The following ZFP90 variants were observed in gnomAD, a reference collection of about 807,000 sequenced individuals.
ZFP90 encodes zinc finger protein 90 homolog.
A neutral mutation model predicts 60.8 loss-of-function variants in ZFP90; 38 were observed. That is an observed-to-expected ratio of 0.62 (90% confidence interval 0.48 to 0.82). ZFP90 has a LOEUF of 0.82. Ranked by LOEUF, ZFP90 falls within the 40% of genes least tolerant of loss-of-function variation. ZFP90 has a pLI of 0.00. For missense variants in ZFP90, 711 were observed against 759.1 expected (o/e 0.94, Z 0.74); for synonymous variants, 287 against 264.8 (o/e 1.08, Z -0.82).
chr16:68,537,307 G>A (rs1029955529), upstream of ZFP90, among the ~76,000 whole-genome samples: 4 of 151,960 alleles, frequency 2.6e-5, no homozygotes, highest in South Asian at 2.1e-4. Context: ...TGTATGTTTA[G>A]TAGAGATGGG....
intron 2 of ZFP90, among the ~76,000 whole-genome samples, chr16:68,548,631 C>G (rs1345686189): frequency 5.9e-5 from 9 of 152,006 alleles, no homozygotes; most frequent in African/African-American, 2.2e-4. Context: ...GCTGGGATTA[C>G]AGGCATGCAC....
At chr16:68,562,078 A>C (rs1464831842) in intron 4 of ZFP90, 1 of 152,194 alleles carries the variant, frequency 6.6e-6, no homozygotes, top group East Asian at 1.9e-4. Context: ...ATTTCCAAGT[A>C]AGTTGCAGGC....
At chr16:68,540,373 A>T (rs1299683181) in intron 2 of ZFP90, among the ~76,000 whole-genome samples, 1 of 152,168 alleles carries the variant, frequency 6.6e-6, no homozygotes, top group Non-Finnish European at 1.5e-5. Flanking sequence ...ATTCTCCCAG[A>T]GCTTTTTGTG....
Position 68,563,728 on chromosome 16 carries a change from T to C in ZFP90, c.941T>C (p.Leu314Pro). ...HTGEKPYQCS[L>P]CGKAFQRSSS... Reference sequence around the variant, plus strand: ...GGAGAGAAACCCTATCAGTGTAGTCTCTGTGGGAAAGCCTTCCAGCGCAGC... The same window carrying C: ...GGAGAGAAACCCTATCAGTGTAGTCCCTGTGGGAAAGCCTTCCAGCGCAGC... The change falls in exon 5 of 5, where the codon CTC becomes CCC. Residue 314 changes from leucine to proline, a missense_variant. Leu to Pro is a moderately conservative substitution (Grantham distance 98). Transcript: ENST00000563169. The C allele has an allele frequency of 6.2e-7, 1 of 1,610,312 alleles. No homozygotes were observed.
chr16:68,567,120 T>G lies in ZFP90; in HGVS notation c.*2422T>G, dbSNP rs2091540939. The G allele has an allele frequency of 3.0e-6, 3 of 985,492 alleles. No individual in the cohort carries two copies. The highest frequency in any genetic ancestry group is 1.7e-5 in the African/African-American group (1 of 57,244). The allele number at this position is 985,492 out of a possible 1,614,324, so 61.0% of individuals were successfully genotyped here. A position where few individuals can be genotyped will look rare whatever the true frequency, so the allele number is the denominator to read the frequency against. On this transcript the variant is annotated 3_prime_UTR_variant, in exon 5 of 5. Coordinates refer to ENST00000563169, the MANE Select transcript of ZFP90 (RefSeq NM_001305203.2). ...CATTGTATTCTTTCAATAAATAGCC[T>G]TCTGAGTTGAATGGGAGTCAGTTTG... is the stretch of plus-strand genomic sequence containing the variant.
Position 68,566,576 on chromosome 16 carries a change from A to T in ZFP90, c.*1878A>T. The T allele has an allele frequency of 6.1e-6, 6 of 985,556 alleles. No homozygotes were observed. Among genetic ancestry groups the T allele is most frequent in the Non-Finnish European group, 7.2e-6 (6 of 829,936 alleles). The allele number at this position is 985,556 out of a possible 1,614,324, so 61.1% of individuals were successfully genotyped here. A position where few individuals can be genotyped will look rare whatever the true frequency, so the allele number is the denominator to read the frequency against. ...ATTAGTCTCTCCTCTGTGATGCAAA[A>T]TGGAATATTCAATGGCAGATCTGCC... On this transcript the variant is annotated 3_prime_UTR_variant, in exon 5 of 5. Transcript: ENST00000563169.
At position 68,566,977 on chromosome 16, in the gene ZFP90, G is replaced by C. The variant is rs951026520; in HGVS notation, c.*2279G>C. On this transcript the variant is annotated 3_prime_UTR_variant, in exon 5 of 5. Coordinates refer to ENST00000563169, the MANE Select transcript of ZFP90 (RefSeq NM_001305203.2). ...GCACATCTTCATTGACAGGGAGGGA[G>C]CCCAGGACATATGTGTGGCTCATTG... 7.0e-5 allele frequency: 69 copies of C among 985,544 alleles called. No homozygotes were observed. The highest frequency in any genetic ancestry group is 8.2e-5 in the Non-Finnish European group (68 of 830,004). The allele number at this position is 985,544 out of a possible 1,614,324, so 61.0% of individuals were successfully genotyped here.
chr16:68,556,716 T>C (rs1356480728), intron 2 of ZFP90, among the ~76,000 whole-genome samples: 2 of 152,202 alleles, frequency 1.3e-5, no homozygotes, highest in African/African-American at 2.4e-5. Context: ...TCTCGGAATC[T>C]GTTCTTGAGT....
intron 2 of ZFP90, chr16:68,555,173 C>T (rs1277337564): frequency 6.6e-6 from 1 of 152,272 alleles, no homozygotes; most frequent in Non-Finnish European, 1.5e-5. Context: ...CCTCACCTTA[C>T]TGTGTATTGT....
chr16:68,572,886 G>A (rs906149344), intron 2 of ZFP90, among the ~76,000 whole-genome samples: 2 of 152,222 alleles, frequency 1.3e-5, no homozygotes, highest in African/African-American at 4.8e-5. Flanking sequence ...AAGGGAGGGG[G>A]CTGCTGCTGG....
Position 68,563,135 on chromosome 16 carries a change from A to G in ZFP90, c.348A>G (p.Thr116=), listed in dbSNP as rs756483079. 1 of 1,614,176 alleles carries G rather than the reference A, an allele frequency of 6.2e-7. No homozygotes were observed. Among genetic ancestry groups the G allele is most frequent in the South Asian group, 1.1e-5 (1 of 91,086 alleles). Residue 116 remains threonine, a synonymous_variant, in exon 5 of 5, where the codon ACA becomes ACG. Transcript: ENST00000563169. The part of the protein sequence containing the change: ...SHCTHDLLHA[T]LEDSWDVSSQ... Reference sequence around the variant, plus strand: ...GCACACATGATCTCTTACATGCTACATTAGAAGACTCCTGGGATGTTAGCA... The same window carrying G: ...GCACACATGATCTCTTACATGCTACGTTAGAAGACTCCTGGGATGTTAGCA...
chr16:68,550,294 CTG>C (rs974312587), intron 2 of ZFP90, among the ~76,000 whole-genome samples: 2 of 152,180 alleles, frequency 1.3e-5, no homozygotes, highest in Non-Finnish European at 2.9e-5. Flanking sequence ...GAGTCTCACT[CTG>C]TCGCCCAGGC....
At chr16:68,542,505 C>G (rs560945990) in intron 2 of ZFP90, among the ~76,000 whole-genome samples, 2 of 152,014 alleles carry the variant, frequency 1.3e-5, no homozygotes, top group South Asian at 2.1e-4. Flanking sequence ...GCAGGAGAAT[C>G]GCTTGAACCT....
At chr16:68,557,381 G>T (rs1286254260) in intron 2 of ZFP90, 3 of 415,300 alleles carry the variant, frequency 7.2e-6, no homozygotes, top group Non-Finnish European at 1.5e-5. Flanking sequence ...TGATACAGGT[G>T]TACTGTGGAG....
chr16:68,572,056 G>A (rs1433764747), downstream of ZFP90, among the ~76,000 whole-genome samples: 1 of 152,060 alleles, frequency 6.6e-6, no homozygotes, highest in Non-Finnish European at 1.5e-5. Context: ...TGGGGTCTCT[G>A]ATGCAGTGGT....
intron 2 of ZFP90, among the ~76,000 whole-genome samples, chr16:68,550,992 G>C (rs2091249571): frequency 6.6e-6 from 1 of 152,170 alleles, no homozygotes; most frequent in African/African-American, 2.4e-5. Context: ...TCTTCTCTCT[G>C]TACACCATTG....
At position 68,563,334 on chromosome 16, in the gene ZFP90, A is replaced by C; in HGVS notation, c.547A>C (p.Ser183Arg). ...QLNIPARIRP[S>R]ECETLGSNLG... Reference sequence around the variant, plus strand: ...GAACATTCCTGCAAGAATAAGGCCTAGTGAATGTGAGACCCTTGGAAGCAA... The same window carrying C: ...GAACATTCCTGCAAGAATAAGGCCTCGTGAATGTGAGACCCTTGGAAGCAA... Residue 183 changes from serine to arginine, a missense_variant, in exon 5 of 5, where the codon AGT becomes CGT. Physicochemically the swap from Ser to Arg is moderately radical, Grantham distance 110 (BLOSUM62 -1). Around this residue, in one of 5 missense-constraint regions of ZFP90, gnomAD observed 241 missense variants for 247.6 expected, o/e 0.97. Coordinates refer to ENST00000563169, the MANE Select transcript of ZFP90 (RefSeq NM_001305203.2). 1.9e-6 allele frequency: 3 copies of C among 1,614,240 alleles called. No homozygotes were observed. Among genetic ancestry groups the C allele is most frequent in the Non-Finnish European group, 2.5e-6 (3 of 1,180,036 alleles).
chr16:68,545,415 A>G (rs2152058585), intron 2 of ZFP90, among the ~76,000 whole-genome samples: 1 of 152,314 alleles, frequency 6.6e-6, no homozygotes, highest in South Asian at 2.1e-4. Context: ...CAATGAGCCT[A>G]TTTTATTTTC....
intron 2 of ZFP90, chr16:68,574,266 T>G (rs1279280136): frequency 7.1e-6 from 1 of 141,830 alleles, no homozygotes; most frequent in African/African-American, 2.6e-5. Flanking sequence ...GGTTTTTCTT[T>G]AAGTTTCTCC....
Sources: allele counts gnomAD v4.1 joint callset (sites outside exome capture counted in the v4.1 genomes callset), GRCh38; gene constraint gnomAD v4.1.1; regional missense constraint gnomAD v4.1.1; transcripts MANE v1.5; gene names NCBI Gene and HGNC (gene_info 2026-07-23, HGNC 2026-07-21).